ERBB4: variants seen among roughly 807,000 people sequenced by gnomAD.
ERBB4 encodes the protein erb-b2 receptor tyrosine kinase 4, also known as receptor tyrosine-protein kinase erbB-4.
ERBB4 carries 42 observed loss-of-function variants against 158.0 expected under a neutral mutation model. The observed-to-expected ratio is 0.27, with a 90% CI of 0.21 to 0.34. ERBB4 has a LOEUF of 0.34. Ranked by LOEUF, ERBB4 falls within the 10% of genes least tolerant of loss-of-function variation. The pLI is 1.00. For synonymous variants in ERBB4, 583 were observed against 558.7 expected, an observed-to-expected ratio of 1.04 and a Z score of -0.61; for missense variants, 1,333 against 1,624.1, an observed-to-expected ratio of 0.82 and a Z score of 3.08.
chr2:211,586,207 G>A (rs903740810), intron 19 of ERBB4, among the ~76,000 whole-genome samples: 1 of 152,082 alleles, frequency 6.6e-6, no homozygotes, highest in Non-Finnish European at 1.5e-5. Context: ...ACATAGTTAT[G>A]CACATTACAT....
At chr2:212,086,940 C>G (rs2078632415) in intron 2 of ERBB4, among the ~76,000 whole-genome samples, 1 of 151,970 alleles carries the variant, frequency 6.6e-6, no homozygotes, top group South Asian at 2.1e-4. Context: ...TGGGAGGCTT[C>G]CAACAGTTTC....
chr2:211,431,803 G>T (rs2063753478), intron 20 of ERBB4, among the ~76,000 whole-genome samples: 1 of 151,988 alleles, frequency 6.6e-6, no homozygotes, highest in African/African-American at 2.4e-5. Context: ...AACATAGAGG[G>T]AAATTAAAAA....
At chr2:212,534,732 A>T (rs1692947835) in intron 1 of ERBB4, among the ~76,000 whole-genome samples, 3 of 152,210 alleles carry the variant, frequency 2.0e-5, no homozygotes, top group Admixed American at 2.0e-4. Context: ...GAAAGGGTGA[A>T]TGCATAAGAC....
chr2:211,962,172 T>C (rs1392413416), intron 2 of ERBB4, among the ~76,000 whole-genome samples: 1 of 152,156 alleles, frequency 6.6e-6, no homozygotes, highest in East Asian at 1.9e-4. Flanking sequence ...TTTGCTTATA[T>C]GTTTGCTTAT....
chr2:212,161,288 T>C (rs1575726388), intron 1 of ERBB4, among the ~76,000 whole-genome samples: 2 of 152,094 alleles, frequency 1.3e-5, no homozygotes, highest in East Asian at 3.9e-4. Flanking sequence ...CCTTTATTAA[T>C]ACTTCACTAT....
At chr2:212,536,032 A>G (rs1303011241) in intron 1 of ERBB4, among the ~76,000 whole-genome samples, 1 of 152,240 alleles carries the variant, frequency 6.6e-6, no homozygotes, top group Non-Finnish European at 1.5e-5. Context: ...TGTTTCATCT[A>G]AAAGCAATTC....
At chr2:211,631,815 C>T (rs1461299134) in intron 16 of ERBB4, among the ~76,000 whole-genome samples, 1 of 152,030 alleles carries the variant, frequency 6.6e-6, no homozygotes, top group African/African-American at 2.4e-5. Flanking sequence ...GAACTTCCTG[C>T]CTGCTCATGC....
Position 211,383,420 on chromosome 2 carries a change from CTA to C in ERBB4, c.*193_*194del, listed in dbSNP as rs1490210661. 1.7e-6 allele frequency: 1 copy of C among 594,910 alleles called. No homozygotes were observed. The highest frequency in any genetic ancestry group is 1.9e-5 in the African/African-American group (1 of 53,714). 36.9% of individuals were successfully genotyped at this position (594,910 alleles called of 1,614,324 possible). On this transcript the variant is annotated 3_prime_UTR_variant, in exon 28 of 28. Coordinates refer to ENST00000342788, the MANE Select transcript of ERBB4 (RefSeq NM_005235.3). ...AAATGAAGAAACATTGTGGTTCCTCCTATCTTTCTCTTTCAGTCTTTCCCTCT... is the reference window on the plus strand; with the variant it reads ...AAATGAAGAAACATTGTGGTTCCTCCTCTTTCTCTTTCAGTCTTTCCCTCT...
Position 211,915,570 on chromosome 2 carries a change from A to G in ERBB4, c.421+31860T>C, listed in dbSNP as rs555131632. On this transcript the variant is annotated intron_variant, in intron 3 of 27. Coordinates refer to ENST00000342788, the MANE Select transcript of ERBB4 (RefSeq NM_005235.3). The stretch of plus-strand genomic sequence containing the variant: ...TGTTTAAAACTCTATACAATGACCA[A>G]TGATTCTTCTTTACCTAGCTTAAGT... 3.9e-5 allele frequency among the ~76,000 whole-genome samples: 6 copies of G among 152,106 alleles called. No homozygotes were observed. In the South Asian group the frequency reaches 1.2e-3, roughly 32 times the overall value.
At chr2:212,182,657 C>T (rs967102409) in intron 1 of ERBB4, among the ~76,000 whole-genome samples, 1 of 151,822 alleles carries the variant, frequency 6.6e-6, no homozygotes, top group African/African-American at 2.4e-5. Context: ...TTCTTCCCAC[C>T]CGACTCCACC....
intron 1 of ERBB4, among the ~76,000 whole-genome samples, chr2:212,311,952 G>C (rs1466647531): frequency 6.6e-6 from 1 of 150,812 alleles, no homozygotes; most frequent in Admixed American, 6.6e-5. Context: ...GATGCCCAGG[G>C]GCAACTGTCA....
chr2:211,654,677 TA>T (rs1421726075), intron 16 of ERBB4, among the ~76,000 whole-genome samples: 1 of 152,214 alleles, frequency 6.6e-6, no homozygotes, highest in Non-Finnish European at 1.5e-5. Flanking sequence ...ACACCAATCT[TA>T]AGGGTTATAA....
At chr2:211,629,070 A>G (rs2069987317) in intron 17 of ERBB4, among the ~76,000 whole-genome samples, 1 of 152,102 alleles carries the variant, frequency 6.6e-6, no homozygotes, top group Non-Finnish European at 1.5e-5. Flanking sequence ...TCTGGATATT[A>G]GCCCTTTGTC....
At chr2:211,718,004 G>A (rs2073977566) in intron 7 of ERBB4, among the ~76,000 whole-genome samples, 1 of 151,634 alleles carries the variant, frequency 6.6e-6, no homozygotes, top group Non-Finnish European at 1.5e-5. Flanking sequence ...TGCCTCCTGG[G>A]TATAAGCATT....
At chr2:211,460,619 C>T (rs140810998) in intron 20 of ERBB4, among the ~76,000 whole-genome samples, 240 of 152,206 alleles carry the variant, frequency 1.6e-3, no homozygotes, top group African/African-American at 5.4e-3. Flanking sequence ...ATTCTAATCA[C>T]GAGCTTGTGT....
chr2:212,033,782 T>C lies in ERBB4; in HGVS notation c.235-86166A>G, dbSNP rs534289431. Among the ~76,000 whole-genome samples, 7 of 152,050 alleles carry C rather than the reference T, an allele frequency of 4.6e-5. No individual in the cohort carries two copies. The East Asian group carries it at 9.6e-4, about 21-fold the overall frequency. On this transcript the variant is annotated intron_variant, in intron 2 of 27. Transcript: ENST00000342788. ...AATTTAATATAATCTCTGCTACTTA[T>C]TAGCTATTTGATCTTTGGTAAATTA...
intron 2 of ERBB4, among the ~76,000 whole-genome samples, chr2:212,057,744 C>T (rs2125412163): frequency 6.6e-6 from 1 of 152,284 alleles, no homozygotes; most frequent in South Asian, 2.1e-4. Context: ...AGAACAAAGA[C>T]ACAACATACC....
intron 1 of ERBB4, among the ~76,000 whole-genome samples, chr2:212,141,157 T>C (rs1270363255): frequency 6.6e-6 from 1 of 151,918 alleles, no homozygotes; most frequent in Non-Finnish European, 1.5e-5. Flanking sequence ...ATGAAATACT[T>C]ATATGCTGAA....
At chr2:211,720,008 GC>G (rs1487107438) in intron 7 of ERBB4, among the ~76,000 whole-genome samples, 1 of 152,146 alleles carries the variant, frequency 6.6e-6, no homozygotes, top group African/African-American at 2.4e-5. Context: ...GAGAATTTCA[GC>G]TGCAGGATGA....
Sources: allele counts gnomAD v4.1 joint callset (sites outside exome capture counted in the v4.1 genomes callset), GRCh38; gene constraint gnomAD v4.1.1; transcripts MANE v1.5; gene names NCBI Gene and HGNC (gene_info 2026-07-23, HGNC 2026-07-21).